Variants in SINHCAF observed in about 807,000 individuals in gnomAD.
The protein encoded by SINHCAF is SIN3-HDAC complex associated factor.
A neutral mutation model predicts 25.8 loss-of-function variants in SINHCAF; 3 were observed. That is an observed-to-expected ratio of 0.12 (90% CI 0.05 to 0.30). The LOEUF (loss-of-function observed/expected upper bound fraction) is 0.30, where lower values mean the gene tolerates loss of function less well. Ranked by LOEUF, SINHCAF falls within the 10% of genes least tolerant of loss-of-function variation. The probability of loss-of-function intolerance (pLI) is 1.00; values close to 1 mark genes in which losing one functional copy is unlikely to be tolerated. For synonymous variants in SINHCAF, 70 were observed against 85.5 expected (o/e 0.82, Z 1.00); for missense variants, 121 against 262.3 (o/e 0.46, Z 3.72).
At chr12:31,292,447 C>G (rs1938366614) in intron 4 of SINHCAF, among the ~76,000 whole-genome samples, 1 of 151,260 alleles carries the variant, frequency 6.6e-6, no homozygotes, top group African/African-American at 2.4e-5. Context: ...TGCAGTGACC[C>G]AAGATCACAC....
Position 31,287,787 on chromosome 12 carries a change from G to T in SINHCAF, c.356-3C>A. 1 of 1,571,450 alleles carries T rather than the reference G, an allele frequency of 6.4e-7. No homozygotes were observed. The highest frequency in any genetic ancestry group is 8.7e-7 in the Non-Finnish European group (1 of 1,155,376). On this transcript the variant is annotated splice_region_variant and splice_polypyrimidine_tract_variant and intron_variant, in intron 4 of 5. Transcript: ENST00000337682. ...GGTGGTACTGTGAGCATCAGAATCT[G>T]CAATAAAGATTAAGAGAAAAAATAA...
intron 5 of SINHCAF, among the ~76,000 whole-genome samples, 175 bp downstream of exon 5, chr12:31,287,458 AT>A (rs1938127551): frequency 6.6e-6 from 1 of 152,208 alleles, no homozygotes. Context: ...TTTTAAATAA[AT>A]TTTAATAGGA....
chr12:31,306,194 C>T (rs1276642971), intron 1 of SINHCAF, among the ~76,000 whole-genome samples: 4 of 152,160 alleles, frequency 2.6e-5, no homozygotes, highest in Admixed American at 2.6e-4. Context: ...TATTTATATG[C>T]TTAAGATGGT....
chr12:31,311,668 A>C (rs572687642), intron 1 of SINHCAF: 5 of 445,428 alleles, frequency 1.1e-5, no homozygotes, highest in African/African-American at 8.0e-5. Context: ...AACTGAGCTT[A>C]TAACAATATT....
chr12:31,311,839 G>A, intron 1 of SINHCAF: 2 of 479,826 alleles, frequency 4.2e-6, no homozygotes, highest in East Asian at 5.3e-5. Flanking sequence ...GAGGAATGTT[G>A]TCCCAGCGTT....
Position 31,311,447 on chromosome 12 carries a change from G to A in SINHCAF, c.-20-13223C>T, listed in dbSNP as rs192935191. On this transcript the variant is annotated intron_variant, in intron 1 of 5. Transcript: ENST00000337682. ...CAAATCCGATCTTCATAAGGGTCAG[G>A]AAATTCCTTAACTATGGCCCATAAT... Among the ~76,000 whole-genome samples the A allele has an allele frequency of 2.7e-3, 416 of 152,316 alleles. 1 individual carries two copies. Among genetic ancestry groups the A allele is most frequent in the Middle Eastern group, 6.8e-3 (2 of 294 alleles).
chr12:31,320,837 G>C (rs1445025276), intron 1 of SINHCAF, among the ~76,000 whole-genome samples: 1 of 152,024 alleles, frequency 6.6e-6, no homozygotes, highest in Admixed American at 6.6e-5. Context: ...GCAGGGGGAA[G>C]GAAATTAGAC....
At chr12:31,307,335 C>T (rs1046663053) in intron 1 of SINHCAF, among the ~76,000 whole-genome samples, 2 of 152,026 alleles carry the variant, frequency 1.3e-5, no homozygotes, top group African/African-American at 2.4e-5. Context: ...GTGGGCAGAC[C>T]GCTTGAGCCC....
At chr12:31,286,929 G>GTTTT (rs1938105858) in intron 5 of SINHCAF, among the ~76,000 whole-genome samples, 2 of 151,850 alleles carry the variant, frequency 1.3e-5, no homozygotes, top group African/African-American at 4.8e-5. Flanking sequence ...TTGTTTGTTT[G>GTTTT]TTTTTTTAAA....
rs539873358 is a variant in SINHCAF at position 31,324,637 on chromosome 12, C to A, written c.-21+1387G>T. 4 of 258,356 alleles carry A rather than the reference C, an allele frequency of 1.5e-5. No homozygotes were observed. The highest frequency in any genetic ancestry group is 2.3e-4 in the East Asian group (2 of 8,546). 16.0% of individuals were successfully genotyped at this position (258,356 alleles called of 1,614,324 possible). ...CGGCCCCGAGCGCCGGGGGCCCGCA[C>A]GGGCACATGCAGCCCTTTGTTTTCT... On this transcript the variant is annotated intron_variant, in intron 1 of 5. Transcript: ENST00000337682. The surrounding 1 kb of genome is among the most constrained non-coding windows in gnomAD (Gnocchi z 5.5).
chr12:31,303,228 T>G, intron 1 of SINHCAF: 4 of 985,394 alleles, frequency 4.1e-6, no homozygotes, highest in Non-Finnish European at 4.8e-6. Flanking sequence ...TTCCTTGTAT[T>G]TCCACATTTT....
intron 2 of SINHCAF, chr12:31,297,063 A>G: frequency 2.4e-6 from 1 of 411,316 alleles, no homozygotes. Flanking sequence ...AAGAAAAGAA[A>G]AAAAGAATGA....
At position 31,281,861 on chromosome 12, in the gene SINHCAF, C is replaced by A. The variant is rs1031715113; in HGVS notation, c.*851G>T. On this transcript the variant is annotated 3_prime_UTR_variant, in exon 6 of 6. Coordinates refer to ENST00000337682, the MANE Select transcript of SINHCAF (RefSeq NM_001135812.2). ...GATGCAACATATATAGTCAAGTTAC[C>A]TCTCTGTATATTTAGAAATTACTTT... The A allele has an allele frequency of 6.6e-6, 1 of 152,144 alleles. No individual in the cohort carries two copies. The highest frequency in any genetic ancestry group is 2.4e-5 in the African/African-American group (1 of 41,426). The allele number at this position is 152,144 out of a possible 1,614,324, so 9.4% of individuals were successfully genotyped here.
intron 1 of SINHCAF, among the ~76,000 whole-genome samples, chr12:31,310,063 G>A (rs1187663676): frequency 6.6e-6 from 1 of 152,152 alleles, no homozygotes; most frequent in East Asian, 1.9e-4. Context: ...AAAAAGAGAT[G>A]AGCATTATGG....
At chr12:31,323,715 C>T (rs1048170560) in intron 1 of SINHCAF, among the ~76,000 whole-genome samples, 59 of 152,068 alleles carry the variant, frequency 3.9e-4, no homozygotes, top group African/African-American at 1.4e-3. Flanking sequence ...TAGAAACACA[C>T]AAAGAAACTG....
intron 1 of SINHCAF, among the ~76,000 whole-genome samples, chr12:31,320,638 A>T (rs1939662151): frequency 6.6e-6 from 1 of 152,220 alleles, no homozygotes; most frequent in Non-Finnish European, 1.5e-5. Context: ...TGTCTACAAT[A>T]AAGACGTGAA....
rs532145194 is a variant in SINHCAF at position 31,313,602 on chromosome 12, A to C, written c.-21+12422T>G. On this transcript the variant is annotated intron_variant, in intron 1 of 5. Coordinates refer to ENST00000337682, the MANE Select transcript of SINHCAF (RefSeq NM_001135812.2). ...TGCTGGGATTCTGAATGCACTGAAT[A>C]TGTGTAATATCTGGGTGTATATGTG... Among the ~76,000 whole-genome samples, 250 of 152,304 alleles carry C rather than the reference A, an allele frequency of 1.6e-3. 1 individual carries two copies. Among genetic ancestry groups the C allele is most frequent in the Middle Eastern group, 3.4e-3 (1 of 294 alleles).
At chr12:31,284,393 G>T (rs1937945656) in intron 5 of SINHCAF, among the ~76,000 whole-genome samples, 2 of 152,040 alleles carry the variant, frequency 1.3e-5, no homozygotes, top group African/African-American at 4.8e-5. Context: ...TCCATTGTAG[G>T]AGTTGTCTGT....
chr12:31,297,706 C>T lies in SINHCAF; in HGVS notation c.128+371G>A, dbSNP rs140520637. 3.4e-3 allele frequency among the ~76,000 whole-genome samples: 509 copies of T among 151,864 alleles called. 5 individuals carry two copies. The highest frequency in any genetic ancestry group is 0.012 in the African/African-American group (483 of 41,390). ...CAGGATGGTCTCGATCTCTTGACCTCGTGATCCGCCCGCCTCGGCCTCCCA... is the reference window on the plus strand; with the variant it reads ...CAGGATGGTCTCGATCTCTTGACCTTGTGATCCGCCCGCCTCGGCCTCCCA... On this transcript the variant is annotated intron_variant, in intron 2 of 5. Transcript: ENST00000337682.
Sources: allele counts gnomAD v4.1 joint callset (sites outside exome capture counted in the v4.1 genomes callset), GRCh38; gene constraint gnomAD v4.1.1; non-coding constraint Gnocchi (gnomAD v3.1); transcripts MANE v1.5; gene names NCBI Gene and HGNC (gene_info 2026-07-23, HGNC 2026-07-21).